GPR137C: variants seen among roughly 807,000 people sequenced by gnomAD.
The protein encoded by GPR137C is integral membrane protein GPR137C.
In GPR137C, 27 loss-of-function variants were observed where a neutral mutation model predicts 43.4. That is an observed-to-expected ratio of 0.62 (90% CI 0.46 to 0.86). The LOEUF is 0.86. GPR137C is among the 40% of genes least tolerant of loss of function. The probability of loss-of-function intolerance (pLI) is 0.00; values close to 1 mark genes in which losing one functional copy is unlikely to be tolerated. For missense variants in GPR137C, 522 were observed against 534.6 expected (o/e 0.98, Z 0.23); for synonymous variants, 285 against 226.9 (o/e 1.26, Z -2.30).
At chr14:52,634,895 C>G in intron 6 of GPR137C, 43 bp from the exon 7 acceptor site, 1 of 1,570,884 alleles carries the variant, frequency 6.4e-7, no homozygotes, top group Non-Finnish European at 8.7e-7. Flanking sequence ...TTCTTATATC[C>G]TGATCATAGT....
chr14:52,558,561 G>A (rs909933773), intron 1 of GPR137C, among the ~76,000 whole-genome samples: 3 of 152,130 alleles, frequency 2.0e-5, no homozygotes, highest in Non-Finnish European at 4.4e-5. Flanking sequence ...GTAAGAAGCA[G>A]ATGCAAAGCA....
At chr14:52,558,064 A>G (rs1048003589) in intron 1 of GPR137C, among the ~76,000 whole-genome samples, 12 of 151,480 alleles carry the variant, frequency 7.9e-5, no homozygotes, top group Admixed American at 3.3e-4. Flanking sequence ...AGTCTTTTTC[A>G]GTGCATAATT....
intron 1 of GPR137C, among the ~76,000 whole-genome samples, chr14:52,565,269 G>A (rs2038349958): frequency 6.6e-6 from 1 of 152,094 alleles, no homozygotes; most frequent in Admixed American, 6.5e-5. Context: ...GAAACCATGG[G>A]CTATTTTCTT....
At chr14:52,621,379 A>G (rs1463228895) in intron 3 of GPR137C, among the ~76,000 whole-genome samples, 2 of 151,894 alleles carry the variant, frequency 1.3e-5, no homozygotes, top group African/African-American at 2.4e-5. Flanking sequence ...TAAGGGGATT[A>G]CTTACCAGCA....
At position 52,635,614 on chromosome 14, in the gene GPR137C, TC is replaced by T. The variant is rs2039344975; in HGVS notation, c.*500del. On this transcript the variant is annotated 3_prime_UTR_variant, in exon 7 of 7. Transcript: ENST00000321662. Reference sequence around the variant, plus strand: ...AAAAATGTATCATTCTTTATAAAAATCTACTGAAAATGTGTAATCATTGAAG... The same window carrying T: ...AAAAATGTATCATTCTTTATAAAAATTACTGAAAATGTGTAATCATTGAAG... 1.3e-5 allele frequency: 2 copies of T among 152,172 alleles called. No homozygotes were observed. Among genetic ancestry groups the T allele is most frequent in the Non-Finnish European group, 2.9e-5 (2 of 68,020 alleles). The allele number at this position is 152,172 out of a possible 1,614,324, so 9.4% of individuals were successfully genotyped here. A position where few individuals can be genotyped will look rare whatever the true frequency, so the allele number is the denominator to read the frequency against.
chr14:52,632,821 A>T (rs181995484), intron 4 of GPR137C, among the ~76,000 whole-genome samples: 1 of 152,110 alleles, frequency 6.6e-6, no homozygotes, highest in South Asian at 2.1e-4. Flanking sequence ...GGTATTTGCT[A>T]TCGTAATTCC....
In GPR137C at chr14:52,578,238, A is replaced by T. The variant is rs12586512; in HGVS notation, c.445-20034A>T. On this transcript the variant is annotated intron_variant, in intron 1 of 6. Transcript: ENST00000321662. Reference sequence around the variant, plus strand: ...CATGTATTTTTTAGTTTAGGGAGACATTCTCGTATTTTTAACTTGATTTTC... The same window carrying T: ...CATGTATTTTTTAGTTTAGGGAGACTTTCTCGTATTTTTAACTTGATTTTC... Among the ~76,000 whole-genome samples, 837 of 152,268 alleles carry T rather than the reference A, an allele frequency of 5.5e-3. 38 individuals carry two copies. In the East Asian group the frequency reaches 0.11, roughly 20 times the overall value.
intron 3 of GPR137C, among the ~76,000 whole-genome samples, chr14:52,628,127 A>G (rs563303220): frequency 7.4e-4 from 112 of 152,346 alleles, no homozygotes; most frequent in African/African-American, 2.5e-3. Context: ...TAAAGCTACA[A>G]TAATTAAGAC....
intron 3 of GPR137C, among the ~76,000 whole-genome samples, chr14:52,615,572 A>G (rs756565378): frequency 6.6e-6 from 1 of 151,780 alleles, no homozygotes; most frequent in Non-Finnish European, 1.5e-5. Flanking sequence ...TTTTAACAAT[A>G]TTGATTCTTC....
At chr14:52,602,201 T>A (rs1475955571) in intron 3 of GPR137C, among the ~76,000 whole-genome samples, 1 of 151,880 alleles carries the variant, frequency 6.6e-6, no homozygotes, top group Non-Finnish European at 1.5e-5. Context: ...ATCACTAGAC[T>A]CATTTTTGAC....
chr14:52,582,536 G>A (rs993256298), intron 1 of GPR137C, among the ~76,000 whole-genome samples: 1 of 152,226 alleles, frequency 6.6e-6, no homozygotes, highest in African/African-American at 2.4e-5. Context: ...GCTTATGCCT[G>A]TAATCCCAGC....
intron 3 of GPR137C, among the ~76,000 whole-genome samples, chr14:52,614,903 G>A (rs892523274): frequency 2.0e-5 from 3 of 152,072 alleles, no homozygotes; most frequent in Non-Finnish European, 2.9e-5. Context: ...TTTCCATTCT[G>A]TGGGTTGTCT....
intron 1 of GPR137C, among the ~76,000 whole-genome samples, chr14:52,592,738 C>T (rs188994276): frequency 5.9e-5 from 9 of 152,086 alleles, no homozygotes; most frequent in African/African-American, 1.4e-4. Flanking sequence ...TGGGCTGAGA[C>T]GATGGGGTTT....
chr14:52,552,941 A>C lies in GPR137C; in HGVS notation c.-207A>C, dbSNP rs1398771198. On this transcript the variant is annotated 5_prime_UTR_variant, in exon 1 of 7. Coordinates refer to ENST00000321662, the MANE Select transcript of GPR137C (RefSeq NM_001099652.2). ...CCGAGCCGCAGCAGGAGGAGCCGAGACCCCCGGGGGGTGGGGGGAAAGAGG... is the reference window on the plus strand; with the variant it reads ...CCGAGCCGCAGCAGGAGGAGCCGAGCCCCCCGGGGGGTGGGGGGAAAGAGG... Among the ~76,000 whole-genome samples the C allele has an allele frequency of 1.4e-5, 2 of 143,382 alleles. No individual in the cohort carries two copies. Among genetic ancestry groups the C allele is most frequent in the African/African-American group, 2.5e-5 (1 of 39,368 alleles). 94.1% of individuals were successfully genotyped at this position (143,382 alleles called of 152,430 possible). A position where few individuals can be genotyped will look rare whatever the true frequency, so the allele number is the denominator to read the frequency against.
chr14:52,569,486 G>T (rs1023670309), intron 1 of GPR137C, among the ~76,000 whole-genome samples: 1 of 151,286 alleles, frequency 6.6e-6, no homozygotes, highest in African/African-American at 2.4e-5. Flanking sequence ...GGATAATAAC[G>T]AACTCCTCCA....
At position 52,553,385 on chromosome 14, in the gene GPR137C, A is replaced by C; in HGVS notation, c.238A>C (p.Ser80Arg). The C allele has an allele frequency of 6.2e-7, 1 of 1,606,070 alleles. No individual in the cohort carries two copies. Among genetic ancestry groups the C allele is most frequent in the Non-Finnish European group, 8.5e-7 (1 of 1,179,480 alleles). Reference sequence around the variant, plus strand: ...GCTCCTGTACCGCGAGCGGCGGCTGAGTTACCAGAGCCTCTGCCTCTTCCT... The same window carrying C: ...GCTCCTGTACCGCGAGCGGCGGCTGCGTTACCAGAGCCTCTGCCTCTTCCT... Reference protein sequence around the residue: ...RLLLYRERRLSYQSLCLFLCL... With the variant: ...RLLLYRERRLRYQSLCLFLCL... Residue 80 changes from serine to arginine, a missense_variant, in exon 1 of 7, where the codon AGT (serine) becomes CGT (arginine). By Grantham distance (110) the Ser-to-Arg change is moderately radical. Transcript: ENST00000321662.
chr14:52,609,111 C>CT (rs1002994400), intron 3 of GPR137C, among the ~76,000 whole-genome samples: 24 of 152,072 alleles, frequency 1.6e-4, no homozygotes, highest in African/African-American at 5.8e-4. Context: ...TTCTTCATTT[C>CT]TTTTTTTTCT....
chr14:52,553,314 T>C lies in GPR137C; in HGVS notation c.167T>C (p.Leu56Pro). 1 of 1,580,942 alleles carries C rather than the reference T, an allele frequency of 6.3e-7. No individual in the cohort carries two copies. The highest frequency in any genetic ancestry group is 8.5e-7 in the Non-Finnish European group (1 of 1,169,748). Residue 56 changes from leucine to proline, a missense_variant, in exon 1 of 7, where the codon CTC (leucine) becomes CCC (proline). Leu to Pro is a moderately conservative substitution (Grantham distance 98). Transcript: ENST00000321662. ...QLALSVLHAL[L>P]YAALFAFAYL... ...GCGCTGAGCGTCCTGCACGCCCTGC[T>C]CTACGCCGCGCTGTTCGCCTTTGCC...
intron 3 of GPR137C, among the ~76,000 whole-genome samples, chr14:52,616,194 C>A (rs773021858): frequency 2.0e-5 from 3 of 152,188 alleles, no homozygotes; most frequent in Admixed American, 6.5e-5. Context: ...ATTTACACAT[C>A]AGTATGAGTT....
Sources: gnomAD v4.1 joint callset for allele counts (sites outside exome capture counted in the v4.1 genomes callset) on GRCh38, gnomAD v4.1.1 for gene constraint, MANE v1.5 for transcripts, NCBI Gene and HGNC (gene_info 2026-07-23, HGNC 2026-07-21) for gene names.